Variants in QTMAN observed in about 807,000 individuals in gnomAD.
QTMAN encodes the protein queuosine-tRNA mannosyltransferase, also known as tRNA-queuosine alpha-mannosyltransferase.
At chr2:144,062,551 C>T in the QTMAN span, among the ~76,000 whole-genome samples, 1 of 152,156 alleles carries the variant, frequency 6.6e-6, no homozygotes, top group Non-Finnish European at 1.5e-5. Flanking sequence ...AGCTATTACG[C>T]TGTTTCTAAG....
At chr2:144,188,385 A>G in the QTMAN span, among the ~76,000 whole-genome samples, 20 of 152,240 alleles carry the variant, frequency 1.3e-4, no homozygotes, top group Admixed American at 1.3e-3. Flanking sequence ...CTTTGAAAAT[A>G]GAGAAACCAA....
the QTMAN span, among the ~76,000 whole-genome samples, chr2:144,222,703 G>T: frequency 1.3e-5 from 2 of 152,082 alleles, no homozygotes; most frequent in African/African-American, 4.8e-5. Context: ...AGCTGCTCGG[G>T]AGGCTGAGGC....
At chr2:144,013,768 C>A in the QTMAN span, among the ~76,000 whole-genome samples, 2 of 152,038 alleles carry the variant, frequency 1.3e-5, no homozygotes, top group Admixed American at 6.6e-5. Context: ...CGATCTAAGG[C>A]CTTGGGTGAT....
the QTMAN span, chr2:144,178,908 G>T: frequency 4.3e-6 from 2 of 460,986 alleles, no homozygotes; most frequent in East Asian, 1.5e-4. Flanking sequence ...ATACCAAAAG[G>T]TTAACATTCC....
chr2:144,133,471 T>TATAATATATATTATATATATTATATA, the QTMAN span, among the ~76,000 whole-genome samples: 124 of 65,940 alleles, frequency 1.9e-3, 1 homozygote, highest in African/African-American at 6.8e-3. Flanking sequence ...ATATTATATA[T>TATAATATATATTATATATATTATATA]TATATAATAT....
chr2:144,294,521 T>A, the QTMAN span: 1 of 152,192 alleles, frequency 6.6e-6, no homozygotes, highest in Non-Finnish European at 1.5e-5. Flanking sequence ...TCATTAAGTA[T>A]CCATCAATCA....
the QTMAN span, among the ~76,000 whole-genome samples, chr2:144,199,470 G>T: frequency 6.6e-6 from 1 of 152,134 alleles, no homozygotes; most frequent in Non-Finnish European, 1.5e-5. Flanking sequence ...GTCCTGTAGA[G>T]AGAGATAGCT....
the QTMAN span, chr2:144,230,204 T>C: frequency 2.0e-5 from 3 of 152,178 alleles, no homozygotes; most frequent in African/African-American, 7.2e-5. Context: ...TACAATAAAC[T>C]GAACAGACAG....
At chr2:144,031,191 ATT>A in the QTMAN span, among the ~76,000 whole-genome samples, 2 of 147,254 alleles carry the variant, frequency 1.4e-5, no homozygotes. Context: ...GACAACTGTT[ATT>A]TTTTTTTTTT....
At chr2:144,322,734 G>A in the QTMAN span, among the ~76,000 whole-genome samples, 55 of 152,218 alleles carry the variant, frequency 3.6e-4, no homozygotes, top group African/African-American at 9.9e-4. Context: ...AGGGTTAGTC[G>A]AAATATGGAA....
the QTMAN span, among the ~76,000 whole-genome samples, chr2:144,100,998 T>C: frequency 7.5e-3 from 1,136 of 151,078 alleles, 18 homozygotes; most frequent in African/African-American, 0.026. Flanking sequence ...GCCTCCCCAG[T>C]AGCTGGGACT....
the QTMAN span, chr2:143,943,947 C>T: frequency 6.6e-6 from 1 of 152,078 alleles, no homozygotes; most frequent in African/African-American, 2.4e-5. Flanking sequence ...TTTCAAGACA[C>T]TGTGTCAAAG....
chr2:144,076,710 G>C, the QTMAN span, among the ~76,000 whole-genome samples: 1 of 152,106 alleles, frequency 6.6e-6, no homozygotes, highest in East Asian at 1.9e-4. Flanking sequence ...AGAAAAACAG[G>C]AATTATAAAA....
chr2:144,257,744 T>C, the QTMAN span, among the ~76,000 whole-genome samples: 103 of 152,294 alleles, frequency 6.8e-4, no homozygotes, highest in Non-Finnish European at 1.2e-3. Flanking sequence ...CTGTCCTTAA[T>C]GAAATTGATC....
the QTMAN span, among the ~76,000 whole-genome samples, chr2:144,180,514 C>T: frequency 2.6e-5 from 4 of 152,020 alleles, no homozygotes; most frequent in Non-Finnish European, 5.9e-5. Flanking sequence ...ACACTTTTTC[C>T]CTATTTCCTC....
At chr2:144,051,505 G>A in the QTMAN span, among the ~76,000 whole-genome samples, 2 of 152,148 alleles carry the variant, frequency 1.3e-5, no homozygotes, top group East Asian at 3.9e-4. Context: ...GAGTGACAGT[G>A]AGACTTTGTC....
At chr2:144,280,930 T>A in the QTMAN span, among the ~76,000 whole-genome samples, 1 of 152,206 alleles carries the variant, frequency 6.6e-6, no homozygotes, top group Non-Finnish European at 1.5e-5. Context: ...TATTATACTT[T>A]AAGTTTTAGG....
At chr2:143,984,271 A>C in the QTMAN span, among the ~76,000 whole-genome samples, 1 of 152,258 alleles carries the variant, frequency 6.6e-6, no homozygotes, top group Non-Finnish European at 1.5e-5. Context: ...CTTTCAGAAC[A>C]CTAAGATATC....
chr2:144,194,528 G>A, the QTMAN span, among the ~76,000 whole-genome samples: 1 of 152,206 alleles, frequency 6.6e-6, no homozygotes, highest in Non-Finnish European at 1.5e-5. Context: ...ATATTTGTAA[G>A]TTGGGATTAG....
Sources: gnomAD v4.1 joint callset for allele counts (sites outside exome capture counted in the v4.1 genomes callset) on GRCh38, gnomAD v4.1.1 for gene constraint, MANE v1.5 for transcripts, NCBI Gene and HGNC (gene_info 2026-07-23, HGNC 2026-07-21) for gene names.